FANK1: variants seen among roughly 807,000 people sequenced by gnomAD.
The protein encoded by FANK1 is fibronectin type III and ankyrin repeat domains 1.
Under a neutral mutation model 45.3 loss-of-function variants are expected in FANK1, and 44 were observed. The observed-to-expected ratio is 0.97, with a 90% CI of 0.76 to 1.25. The LOEUF (loss-of-function observed/expected upper bound fraction) is 1.25, where lower values mean the gene tolerates loss of function less well. Among genes scored for constraint, FANK1 ranks in the 50% most tolerant of loss-of-function variants. The probability of loss-of-function intolerance (pLI) is 0.00; values close to 1 mark genes in which losing one functional copy is unlikely to be tolerated. For synonymous variants in FANK1, 149 were observed against 152.5 expected (o/e 0.98, Z 0.17); for missense variants, 391 against 424.4 (o/e 0.92, Z 0.69).
At chr10:125,959,071 A>G (rs1002396277) in intron 1 of FANK1, among the ~76,000 whole-genome samples, 2 of 152,146 alleles carry the variant, frequency 1.3e-5, no homozygotes, top group African/African-American at 4.8e-5. Context: ...ACTATTTACA[A>G]TGTTCTTCGA....
At chr10:126,005,705 G>A (rs1056480863) in intron 7 of FANK1, among the ~76,000 whole-genome samples, 3 of 152,186 alleles carry the variant, frequency 2.0e-5, no homozygotes, top group Non-Finnish European at 4.4e-5. Flanking sequence ...ATTTCAAATG[G>A]CGGAGATACA....
At chr10:125,996,522 T>C (rs3736477) in intron 4 of FANK1, 28 bp from the exon 5 acceptor site, 1,078,530 of 1,611,150 alleles carry the variant, frequency 0.67, 364,852 homozygotes, top group East Asian at 0.78. Flanking sequence ...ACTGAGCATG[T>C]TTATCTCTTT....
At chr10:125,898,234 T>C (rs1157017404) in intron 1 of FANK1, among the ~76,000 whole-genome samples, 1 of 152,112 alleles carries the variant, frequency 6.6e-6, no homozygotes, top group Non-Finnish European at 1.5e-5. Context: ...TGTTACTGTT[T>C]TCATGTGTAA....
At chr10:125,911,370 C>A (rs113653808) in intron 1 of FANK1, among the ~76,000 whole-genome samples, 1 of 152,190 alleles carries the variant, frequency 6.6e-6, no homozygotes, top group Non-Finnish European at 1.5e-5. Flanking sequence ...CTCCGCAAGA[C>A]GCGTTTTGGA....
chr10:125,941,011 G>T (rs1948421802), intron 1 of FANK1, among the ~76,000 whole-genome samples: 1 of 152,182 alleles, frequency 6.6e-6, no homozygotes, highest in Non-Finnish European at 1.5e-5. Context: ...AGATCAAAAT[G>T]CAGTTTCTTA....
chr10:125,897,439 G>A (rs1010554699), intron 1 of FANK1, among the ~76,000 whole-genome samples: 1 of 152,270 alleles, frequency 6.6e-6, no homozygotes, highest in African/African-American at 2.4e-5. Flanking sequence ...CAAAATAAGG[G>A]GAGTGTTTTG....
intron 3 of FANK1, among the ~76,000 whole-genome samples, chr10:125,990,554 TC>T (rs1951856665): frequency 6.6e-6 from 1 of 152,174 alleles, no homozygotes; most frequent in Admixed American, 6.5e-5. Context: ...ACCCGAACCT[TC>T]CAGGTGAGGG....
chr10:125,941,072 TA>T (rs1948426323), intron 1 of FANK1, among the ~76,000 whole-genome samples: 1 of 152,212 alleles, frequency 6.6e-6, no homozygotes, highest in Non-Finnish European at 1.5e-5. Context: ...CTCTTTTCCC[TA>T]GAGTCAGAAA....
chr10:125,985,444 C>CT (rs1207817941), intron 2 of FANK1, among the ~76,000 whole-genome samples: 1 of 152,130 alleles, frequency 6.6e-6, no homozygotes, highest in Non-Finnish European at 1.5e-5. Flanking sequence ...AAAATTATTA[C>CT]TTTTTAGCCC....
chr10:125,939,779 T>C (rs2134151789), intron 1 of FANK1, among the ~76,000 whole-genome samples: 1 of 152,216 alleles, frequency 6.6e-6, no homozygotes, highest in Non-Finnish European at 1.5e-5. Context: ...ACTTTTAAAG[T>C]AGGAAAATAC....
At chr10:125,949,100 G>A (rs1425325028) in intron 1 of FANK1, among the ~76,000 whole-genome samples, 10 of 151,872 alleles carry the variant, frequency 6.6e-5, no homozygotes, top group South Asian at 2.1e-4. Flanking sequence ...AATAAATTAG[G>A]TATTGATGGG....
intron 1 of FANK1, among the ~76,000 whole-genome samples, chr10:125,905,146 A>AC (rs1945393576): frequency 2.7e-5 from 1 of 36,772 alleles, no homozygotes; most frequent in Admixed American, 2.5e-4. Flanking sequence ...AAAAAAAAAA[A>AC]AAAACAAAAA....
At chr10:125,918,989 G>A (rs936644927) in intron 1 of FANK1, among the ~76,000 whole-genome samples, 2 of 151,914 alleles carry the variant, frequency 1.3e-5, no homozygotes, top group African/African-American at 4.8e-5. Context: ...ACTAGGAAAG[G>A]GAAGGAGTCT....
At position 125,997,495 on chromosome 10, in the gene FANK1, G is replaced by A. The variant is rs1952428105; in HGVS notation, c.539+10G>A. ...GAAGTGGCAAGGACAGGTAGGAGGT[G>A]GGATATGACTGAAATTGTGCTGATG... On this transcript the variant is annotated intron_variant, in intron 6 of 10. Coordinates refer to ENST00000368693, the MANE Select transcript of FANK1 (RefSeq NM_145235.5). The A allele has an allele frequency of 3.7e-6, 6 of 1,612,052 alleles. No homozygotes were observed. Among genetic ancestry groups the A allele is most frequent in the Admixed American group, 1.7e-5 (1 of 59,698 alleles).
At chr10:125,994,954 C>A (rs376466851) in intron 3 of FANK1, 1 of 984,882 alleles carries the variant, frequency 1.0e-6, no homozygotes, top group Admixed American at 6.1e-5. Flanking sequence ...GAAGACAAGG[C>A]CAATATGTAA....
intron 1 of FANK1, chr10:125,907,437 A>C: frequency 4.1e-6 from 4 of 966,048 alleles, no homozygotes; most frequent in Non-Finnish European, 4.9e-6. Flanking sequence ...TGTACTCTGT[A>C]TGATCTCTTC....
chr10:125,906,858 A>G (rs972600406), intron 1 of FANK1, among the ~76,000 whole-genome samples: 3 of 152,126 alleles, frequency 2.0e-5, no homozygotes, highest in Non-Finnish European at 4.4e-5. Context: ...TACATCTTCA[A>G]TTATTTTAGT....
intron 6 of FANK1, among the ~76,000 whole-genome samples, chr10:126,002,039 G>A (rs575783515): frequency 1.3e-5 from 2 of 152,016 alleles, no homozygotes; most frequent in Non-Finnish European, 1.5e-5. Flanking sequence ...TAGGCTGGGC[G>A]TGGTGGCTCA....
chr10:125,976,642 A>G (rs1950871856), intron 1 of FANK1, among the ~76,000 whole-genome samples: 1 of 150,156 alleles, frequency 6.7e-6, no homozygotes, highest in Admixed American at 6.6e-5. Flanking sequence ...TTTTTCCCTG[A>G]GACGGAATCT....
Sources: allele counts gnomAD v4.1 joint callset (sites outside exome capture counted in the v4.1 genomes callset), GRCh38; gene constraint gnomAD v4.1.1; transcripts MANE v1.5; gene names NCBI Gene and HGNC (gene_info 2026-07-23, HGNC 2026-07-21).